LRRC56: variants seen among roughly 807,000 people sequenced by gnomAD.
LRRC56 encodes the protein leucine rich repeat containing 56.
LRRC56 carries 41 observed loss-of-function variants against 47.8 expected under a neutral mutation model. The ratio of observed to expected loss-of-function variants is 0.86; its 90% CI spans 0.67 to 1.11. LRRC56 has a LOEUF of 1.11. Ranked by LOEUF, LRRC56 falls within the 50% of genes most tolerant of loss-of-function variation. The pLI, the probability that LRRC56 is intolerant of heterozygous loss-of-function variation, is 0.00. For synonymous variants in LRRC56, 387 were observed against 311.2 expected (o/e 1.24, Z -2.56); for missense variants, 759 against 704.2 (o/e 1.08, Z -0.88).
intron 13 of LRRC56, 27 bp downstream of exon 13, chr11:552,729 A>T (rs376789794): frequency 3.4e-5 from 54 of 1,569,620 alleles, no homozygotes; most frequent in Non-Finnish European, 4.6e-5. Context: ...CCTGCCCCCC[A>T]GTGCCTGGGA....
intron 6 of LRRC56, 52 bp downstream of exon 6, chr11:544,832 G>A (rs1851992448): frequency 6.5e-7 from 1 of 1,537,120 alleles, no homozygotes; most frequent in South Asian, 1.1e-5. Flanking sequence ...GGGTCCGATG[G>A]GACAGGCCCT....
chr11:544,841 C>A, intron 6 of LRRC56, 61 bp downstream of exon 6: 1 of 1,421,086 alleles, frequency 7.0e-7, no homozygotes, highest in Non-Finnish European at 9.7e-7. Flanking sequence ...GGGACAGGCC[C>A]TGCAGGGATG....
chr11:507,736 C>T, the LRRC56 span, among the ~76,000 whole-genome samples: 1 of 152,254 alleles, frequency 6.6e-6, no homozygotes, highest in Non-Finnish European at 1.5e-5. Context: ...TCTAGGCGAC[C>T]TTGGTAGAGG....
the LRRC56 span, chr11:532,453 G>T: frequency 1.2e-6 from 1 of 843,924 alleles, no homozygotes; most frequent in Non-Finnish European, 1.8e-6. Context: ...CCTTGCTTCC[G>T]TCCTTCCTTC....
rs1564795507 is a variant in LRRC56 at position 538,699 on chromosome 11, T to G, written c.-320T>G. 1 of 152,200 alleles carries G rather than the reference T, an allele frequency of 6.6e-6. No homozygotes were observed. The highest frequency in any genetic ancestry group is 1.5e-5 in the Non-Finnish European group (1 of 68,046). 9.4% of individuals were successfully genotyped at this position (152,200 alleles called of 1,614,324 possible). A position where few individuals can be genotyped will look rare whatever the true frequency, so the allele number is the denominator to read the frequency against. On this transcript the variant is annotated 5_prime_UTR_variant, in exon 2 of 14. Transcript: ENST00000270115. Reference sequence around the variant, plus strand: ...ACAGATAAAAGCCATGGCCAGAACGTTCTAAGTGGCTACATGTGCATCTGC... The same window carrying G: ...ACAGATAAAAGCCATGGCCAGAACGGTCTAAGTGGCTACATGTGCATCTGC...
At chr11:535,207 C>A (rs926629912), upstream of LRRC56, 1 of 150,700 alleles carries the variant, frequency 6.6e-6, no homozygotes, top group African/African-American at 2.4e-5. Flanking sequence ...TCCCGCAGGC[C>A]CCAGGGAGGA....
At chr11:507,575 C>T in the LRRC56 span, among the ~76,000 whole-genome samples, 27 of 152,190 alleles carry the variant, frequency 1.8e-4, no homozygotes, top group South Asian at 8.3e-4. Flanking sequence ...GGCCGGGGCC[C>T]GGTGCGGCAG....
Position 553,948 on chromosome 11 carries a change from C to G in LRRC56, c.1316-15C>G. On this transcript the variant is annotated splice_polypyrimidine_tract_variant and intron_variant, in intron 13 of 13. Coordinates refer to ENST00000270115, the MANE Select transcript of LRRC56 (RefSeq NM_198075.4). ...ACAGCCTTTCTGACGTCCCATCACT[C>G]TGCTTGCTTTCTAGAGCCCTCCGGG... is the stretch of plus-strand genomic sequence containing the variant. The G allele has an allele frequency of 6.2e-7, 1 of 1,606,990 alleles. No individual in the cohort carries two copies. The highest frequency in any genetic ancestry group is 8.5e-7 in the Non-Finnish European group (1 of 1,177,168).
the LRRC56 span, among the ~76,000 whole-genome samples, chr11:525,344 C>G: frequency 3.3e-5 from 5 of 151,982 alleles, no homozygotes; most frequent in Admixed American, 1.3e-4. Flanking sequence ...TCGAGACCAT[C>G]CTGGCTAACA....
Position 550,077 on chromosome 11 carries a change from C to G in LRRC56, c.429C>G (p.Leu143=), listed in dbSNP as rs1213253518. Reference sequence around the variant, plus strand: ...CAGAGCCCCGCGCTGCCCAGGAACTCTACGCCTCCTACAACAACATCTCGG... The same window carrying G: ...CAGAGCCCCGCGCTGCCCAGGAACTGTACGCCTCCTACAACAACATCTCGG... ...GIASLPALKE[L]YASYNNISDL... is the part of the protein sequence containing the mutation. The change falls in exon 8 of 14, where the codon CTC becomes CTG. Residue 143 remains leucine, a synonymous_variant. Transcript: ENST00000270115. 2 of 1,612,210 alleles carry G rather than the reference C, an allele frequency of 1.2e-6. No homozygotes were observed. Among genetic ancestry groups the G allele is most frequent in the Admixed American group, 1.7e-5 (1 of 59,972 alleles).
chr11:516,018 C>T, the LRRC56 span, among the ~76,000 whole-genome samples: 1 of 152,194 alleles, frequency 6.6e-6, no homozygotes, highest in African/African-American at 2.4e-5. Context: ...TGAGGGTCTA[C>T]TCTCGATCCT....
chr11:514,355 C>T, the LRRC56 span, among the ~76,000 whole-genome samples: 5 of 151,740 alleles, frequency 3.3e-5, no homozygotes, highest in African/African-American at 4.8e-5. Context: ...GACATTATCT[C>T]GGCTCACGGC....
At chr11:523,637 A>AT in the LRRC56 span, among the ~76,000 whole-genome samples, 309 of 137,034 alleles carry the variant, frequency 2.3e-3, 2 homozygotes, top group Middle Eastern at 4.7e-3. Context: ...AAAAAAAAAA[A>AT]GCCGGGGTTG....
the LRRC56 span, among the ~76,000 whole-genome samples, chr11:515,179 G>C: frequency 6.6e-6 from 1 of 152,152 alleles, no homozygotes; most frequent in African/African-American, 2.4e-5. Flanking sequence ...GTCGGCTGAG[G>C]AGGGCATTGG....
upstream of LRRC56, chr11:532,634 C>T (rs1017276958): frequency 9.3e-6 from 15 of 1,610,714 alleles, no homozygotes; most frequent in East Asian, 1.1e-4. Flanking sequence ...CCCTCACCTG[C>T]GTCAGGAGAG....
At chr11:532,467 C>T in the LRRC56 span, 1 of 909,196 alleles carries the variant, frequency 1.1e-6, no homozygotes, top group Non-Finnish European at 1.7e-6. Flanking sequence ...TTCCTTCCTC[C>T]TCCTTCCGTC....
upstream of LRRC56, chr11:533,215 G>A (rs1157703099): frequency 6.4e-6 from 9 of 1,399,820 alleles, no homozygotes; most frequent in East Asian, 2.5e-5. Flanking sequence ...CAGGACTGCA[G>A]GGCGTGAGCC....
chr11:525,497 C>A, the LRRC56 span, among the ~76,000 whole-genome samples: 24 of 151,824 alleles, frequency 1.6e-4, no homozygotes, highest in African/African-American at 5.1e-4. Flanking sequence ...CGAGATCGCG[C>A]CACTGCACTC....
At chr11:521,944 A>C in the LRRC56 span, among the ~76,000 whole-genome samples, 3 of 151,938 alleles carry the variant, frequency 2.0e-5, no homozygotes, top group African/African-American at 7.3e-5. Context: ...TCAGCTGCCC[A>C]AAACAGCTCT....
Sources: allele counts gnomAD v4.1 joint callset (sites outside exome capture counted in the v4.1 genomes callset), GRCh38; gene constraint gnomAD v4.1.1; transcripts MANE v1.5; gene names NCBI Gene and HGNC (gene_info 2026-07-23, HGNC 2026-07-21).